Variants in LIN28B observed in about 807,000 individuals in gnomAD.
LIN28B encodes protein lin-28 homolog B.
A neutral mutation model predicts 21.9 loss-of-function variants in LIN28B; 5 were observed. The ratio of observed to expected loss-of-function variants is 0.23; its 90% CI spans 0.12 to 0.48. The LOEUF is 0.48. Ranked by LOEUF, LIN28B falls within the 20% of genes least tolerant of loss-of-function variation. The pLI is 0.98. For missense variants in LIN28B, 245 were observed against 310.5 expected (o/e 0.79, Z 1.58); for synonymous variants, 109 against 111.3 (o/e 0.98, Z 0.13).
At chr6:104,994,330 G>A (rs1021629110) in intron 2 of LIN28B, among the ~76,000 whole-genome samples, 2 of 152,192 alleles carry the variant, frequency 1.3e-5, no homozygotes, top group African/African-American at 4.8e-5. Context: ...AACTTTTAAC[G>A]ATACTTTTAA....
chr6:104,988,349 A>T (rs992970480), intron 2 of LIN28B, among the ~76,000 whole-genome samples: 33 of 151,944 alleles, frequency 2.2e-4, no homozygotes, highest in African/African-American at 8.0e-4. Flanking sequence ...TTGTGTTTTT[A>T]TCCAGATATA....
At chr6:104,996,579 G>A (rs910043905) in intron 2 of LIN28B, among the ~76,000 whole-genome samples, 8 of 152,192 alleles carry the variant, frequency 5.3e-5, no homozygotes, top group Admixed American at 1.3e-4. Context: ...AAGTGCTCTA[G>A]TAAGTCTGTA....
intron 3 of LIN28B, among the ~76,000 whole-genome samples, chr6:105,072,582 T>G (rs921701080): frequency 6.6e-6 from 1 of 152,134 alleles, no homozygotes; most frequent in Non-Finnish European, 1.5e-5. Flanking sequence ...TCTAGGAAAC[T>G]TTTTAAAAGA....
chr6:104,995,511 C>T (rs978092537), intron 2 of LIN28B, among the ~76,000 whole-genome samples: 1 of 152,048 alleles, frequency 6.6e-6, no homozygotes, highest in Non-Finnish European at 1.5e-5. Flanking sequence ...TCATGTGGGT[C>T]TGAGAACTCA....
chr6:104,993,475 A>G lies in LIN28B; in HGVS notation c.199-32823A>G, dbSNP rs192992679. 1.9e-3 allele frequency among the ~76,000 whole-genome samples: 284 copies of G among 152,232 alleles called. 2 individuals are homozygous for G. The highest frequency in any genetic ancestry group is 6.8e-4 in the Non-Finnish European group (46 of 68,016). On this transcript the variant is annotated intron_variant, in intron 2 of 3. Coordinates refer to ENST00000345080, the MANE Select transcript of LIN28B (RefSeq NM_001004317.4). ...AACAAGACCCTTTCTCAAAAAAACA[A>G]AACAAAACAAGATTTTATTGTTGAA...
At chr6:104,947,910 C>T (rs1778175794) in intron 2 of LIN28B, among the ~76,000 whole-genome samples, 1 of 151,936 alleles carries the variant, frequency 6.6e-6, no homozygotes, top group African/African-American at 2.4e-5. Flanking sequence ...CACAGTCTCT[C>T]TAATCACAGA....
chr6:104,955,402 A>G (rs1470250899), upstream of LIN28B, among the ~76,000 whole-genome samples: 1 of 151,914 alleles, frequency 6.6e-6, no homozygotes, highest in Non-Finnish European at 1.5e-5. Context: ...AGAAATAACA[A>G]AAGGAATAAC....
chr6:104,950,297 A>T (rs1381674288), intron 2 of LIN28B, among the ~76,000 whole-genome samples: 1 of 152,120 alleles, frequency 6.6e-6, no homozygotes, highest in Non-Finnish European at 1.5e-5. Context: ...CCAATTGGTT[A>T]TCTAATTTTG....
chr6:104,939,660 T>TAA (rs1308869268), intron 2 of LIN28B: 1 of 152,234 alleles, frequency 6.6e-6, no homozygotes, highest in Non-Finnish European at 1.5e-5. Flanking sequence ...GAACTGGCCT[T>TAA]TATTAGTTAC....
intron 3 of LIN28B, chr6:104,950,643 A>G (rs1019816713): frequency 6.8e-6 from 3 of 441,958 alleles, no homozygotes; most frequent in Non-Finnish European, 1.1e-5. Context: ...ACAGGTACCA[A>G]GTCCTCCTAT....
chr6:105,029,358 T>G (rs962339348), intron 3 of LIN28B, among the ~76,000 whole-genome samples: 2 of 152,132 alleles, frequency 1.3e-5, no homozygotes. Context: ...GTGATTTCCT[T>G]GAGTGGGTGA....
chr6:104,957,309 T>A, intron 1 of LIN28B, 49 bp downstream of exon 1: 1 of 1,358,236 alleles, frequency 7.4e-7, no homozygotes, highest in Non-Finnish European at 1.0e-6. Context: ...TCTTCTTTTC[T>A]CCTCCCCCTC....
In LIN28B at chr6:105,082,695, T is replaced by G. The variant is rs572622057; in HGVS notation, c.*3912T>G. The G allele has an allele frequency of 3.9e-5, 6 of 152,782 alleles. No homozygotes were observed. In the East Asian group the frequency reaches 1.2e-3, roughly 29 times the overall value. The allele number at this position is 152,782 out of a possible 1,614,324, so 9.5% of individuals were successfully genotyped here. A position where few individuals can be genotyped will look rare whatever the true frequency, so the allele number is the denominator to read the frequency against. On this transcript the variant is annotated 3_prime_UTR_variant, in exon 4 of 4. Transcript: ENST00000345080. ...TCTTTAAGATGTGGTGGTTGTATGA[T>G]CTGTGTCTTAATTGTTCAGTTAGAG...
chr6:104,973,305 G>A (rs1431146536), intron 2 of LIN28B, among the ~76,000 whole-genome samples: 1 of 151,866 alleles, frequency 6.6e-6, no homozygotes, highest in Non-Finnish European at 1.5e-5. Context: ...TTAAAACATG[G>A]GATAATGTTT....
intron 2 of LIN28B, among the ~76,000 whole-genome samples, chr6:105,002,779 C>T (rs1447443690): frequency 6.6e-6 from 1 of 152,118 alleles, no homozygotes; most frequent in Non-Finnish European, 1.5e-5. Flanking sequence ...GTTCTTGTAA[C>T]TTTGACAGTA....
intron 2 of LIN28B, among the ~76,000 whole-genome samples, chr6:104,969,941 T>A (rs1013567615): frequency 2.6e-5 from 4 of 152,218 alleles, no homozygotes; most frequent in Non-Finnish European, 5.9e-5. Context: ...TATCTTAGCA[T>A]CCTTTAAAAG....
intron 2 of LIN28B, among the ~76,000 whole-genome samples, chr6:105,005,016 A>T (rs1473668565): frequency 6.6e-6 from 1 of 152,182 alleles, no homozygotes; most frequent in Non-Finnish European, 1.5e-5. Flanking sequence ...TTGATTGAAC[A>T]TATCTTTAAA....
At chr6:104,965,847 A>G (rs1318565355) in intron 2 of LIN28B, among the ~76,000 whole-genome samples, 1 of 152,246 alleles carries the variant, frequency 6.6e-6, no homozygotes, top group African/African-American at 2.4e-5. Flanking sequence ...TAAAGAAAAA[A>G]TACTGTTTTA....
chr6:104,982,149 C>T (rs1387124048), intron 2 of LIN28B, among the ~76,000 whole-genome samples: 2 of 152,050 alleles, frequency 1.3e-5, no homozygotes, highest in Admixed American at 1.3e-4. Context: ...CCTGTCTCTA[C>T]TAAAAGTATA....
Sources: gnomAD v4.1 joint callset for allele counts (sites outside exome capture counted in the v4.1 genomes callset) on GRCh38, gnomAD v4.1.1 for gene constraint, MANE v1.5 for transcripts, NCBI Gene and HGNC (gene_info 2026-07-23, HGNC 2026-07-21) for gene names.